SLC38A9: variants seen among roughly 807,000 people sequenced by gnomAD.
SLC38A9 encodes the protein solute carrier family 38 member 9.
In SLC38A9, 48 loss-of-function variants were observed where a neutral mutation model predicts 62.3. The ratio of observed to expected loss-of-function variants is 0.77; its 90% confidence interval spans 0.61 to 0.98. The LOEUF (loss-of-function observed/expected upper bound fraction) is 0.98. Ranked by LOEUF, SLC38A9 falls within the 50% of genes least tolerant of loss-of-function variation. The pLI is 0.00. For missense variants in SLC38A9, 541 were observed against 679.8 expected, an observed-to-expected ratio of 0.80 and a Z score of 2.27; for synonymous variants, 204 against 227.7, an observed-to-expected ratio of 0.90 and a Z score of 0.94.
In SLC38A9 at chr5:55,686,584, T is replaced by C. The variant is rs142736480; in HGVS notation, c.113+11262A>G. On this transcript the variant is annotated intron_variant, in intron 3 of 15. Coordinates refer to ENST00000396865, the MANE Select transcript of SLC38A9 (RefSeq NM_173514.4). ...CTCTGTAGGTTGTCTGTTTACTCCA[T>C]TGATAGTTTCTTTTGCCGTGCAGAA... Among the ~76,000 whole-genome samples the C allele has an allele frequency of 1.7e-3, 263 of 152,266 alleles. 1 individual carries two copies. The highest frequency in any genetic ancestry group is 6.0e-3 in the African/African-American group (251 of 41,542).
In SLC38A9 at chr5:55,667,232, T is replaced by TC. The variant is rs1194843992; in HGVS notation, c.526+1995_526+1996insG. Among the ~76,000 whole-genome samples, 4 of 140,472 alleles carry TC rather than the reference T, an allele frequency of 2.8e-5. No homozygotes were observed. The Admixed American group carries it at 2.9e-4, about 10-fold the overall frequency. 92.2% of individuals were successfully genotyped at this position (140,472 alleles called of 152,430 possible). ...CTAGTTTTTATATTATTTAGGGTTT[T>TC]TTTTGCTGCATTTGACAATATCTCC... On this transcript the variant is annotated intron_variant, in intron 7 of 15. Coordinates refer to ENST00000396865, the MANE Select transcript of SLC38A9 (RefSeq NM_173514.4).
At chr5:55,627,870 C>G in intron 15 of SLC38A9, 21 bp downstream of exon 15, 1 of 1,439,704 alleles carries the variant, frequency 6.9e-7, no homozygotes, top group South Asian at 1.2e-5. Flanking sequence ...GTAAGGGCAC[C>G]ATTCCCTTAC....
At chr5:55,694,733 A>AC (rs1372896759) in intron 3 of SLC38A9, among the ~76,000 whole-genome samples, 1 of 12,292 alleles carries the variant, frequency 8.1e-5, no homozygotes, top group African/African-American at 3.1e-4. Flanking sequence ...TCCGCTCCCC[A>AC]CCCTTCTCCT....
intron 2 of SLC38A9, among the ~76,000 whole-genome samples, chr5:55,705,665 T>G (rs1757198980): frequency 6.6e-6 from 1 of 151,962 alleles, no homozygotes; most frequent in Non-Finnish European, 1.5e-5. Context: ...TTGTTTAGTT[T>G]TGTAAATATA....
intron 13 of SLC38A9, 25 bp downstream of exon 13, chr5:55,635,519 A>C: frequency 6.8e-7 from 1 of 1,476,672 alleles, no homozygotes; most frequent in South Asian, 1.1e-5. Context: ...ACACAATCAC[A>C]CAGAGAGGGT....
intron 2 of SLC38A9, among the ~76,000 whole-genome samples, chr5:55,706,147 T>C (rs371550249): frequency 4.6e-5 from 7 of 152,190 alleles, no homozygotes; most frequent in African/African-American, 1.7e-4. Context: ...GTTGCAAAAT[T>C]TTTTGTCTCA....
chr5:55,632,395 G>A (rs542554028), intron 14 of SLC38A9, among the ~76,000 whole-genome samples: 2 of 152,216 alleles, frequency 1.3e-5, no homozygotes, highest in East Asian at 1.9e-4. Context: ...CCGAGATCGC[G>A]CCACTGCACT....
chr5:55,695,826 A>T (rs1428541363), intron 3 of SLC38A9, among the ~76,000 whole-genome samples: 2 of 73,270 alleles, frequency 2.7e-5, no homozygotes, highest in African/African-American at 4.1e-5. Flanking sequence ...GGGGCTCCTC[A>T]CTTCCCAGTA....
chr5:55,628,541 A>C (rs1460640941), intron 14 of SLC38A9, among the ~76,000 whole-genome samples: 1 of 152,214 alleles, frequency 6.6e-6, no homozygotes, highest in East Asian at 1.9e-4. Context: ...TGATTTTGTT[A>C]CAATTTGGGG....
chr5:55,645,819 G>A lies in SLC38A9; in HGVS notation c.1137C>T (p.Leu379=), dbSNP rs1216691278. 7.5e-6 allele frequency: 12 copies of A among 1,610,646 alleles called. No homozygotes were observed. Among genetic ancestry groups the A allele is most frequent in the Non-Finnish European group, 1.0e-5 (12 of 1,178,330 alleles). ...AFFIHNCIIT[L]LKNNKKQENN... ...TTTCTTGTTTCTTGTTGTTCTTCAA[G>A]AGTGTGATGATACAATTATGAATAA... Residue 379 remains leucine (L), a synonymous_variant, in exon 12 of 16, where the codon CTC becomes CTT. Transcript: ENST00000396865.
intron 13 of SLC38A9, 89 bp downstream of exon 13, chr5:55,635,455 G>A (rs1462729458): frequency 1.1e-6 from 1 of 921,470 alleles, no homozygotes; most frequent in Admixed American, 1.9e-5. Context: ...AGGCCTATCT[G>A]ATGTTATATC....
chr5:55,653,893 G>A (rs779768425), intron 9 of SLC38A9, among the ~76,000 whole-genome samples: 3 of 152,100 alleles, frequency 2.0e-5, no homozygotes, highest in African/African-American at 2.4e-5. Flanking sequence ...TCTTGACCTC[G>A]TGATCTGCCC....
chr5:55,629,118 T>G (rs1403738033), intron 14 of SLC38A9, among the ~76,000 whole-genome samples: 1 of 152,218 alleles, frequency 6.6e-6, no homozygotes, highest in East Asian at 1.9e-4. Flanking sequence ...TGGCTGGGCT[T>G]TTGTTATTTC....
chr5:55,632,490 A>G (rs28368180), intron 14 of SLC38A9, among the ~76,000 whole-genome samples: 4,359 of 152,252 alleles, frequency 0.029, 79 homozygotes, highest in African/African-American at 0.044. Flanking sequence ...ATGTTAATGA[A>G]TATAAAAGTA....
At chr5:55,704,710 C>T (rs1368059213) in intron 2 of SLC38A9, among the ~76,000 whole-genome samples, 1 of 152,182 alleles carries the variant, frequency 6.6e-6, no homozygotes, top group African/African-American at 2.4e-5. Flanking sequence ...AACTGCAAGG[C>T]ATTAATTTGT....
At chr5:55,693,186 C>G (rs1395146438) in intron 3 of SLC38A9, 1 of 169,220 alleles carries the variant, frequency 5.9e-6, no homozygotes, top group Non-Finnish European at 1.2e-5. Context: ...CACTCAGTTT[C>G]CCTCTGAGGG....
rs908147074 is a variant in SLC38A9 at position 55,691,604 on chromosome 5, C to T, written c.113+6242G>A. On this transcript the variant is annotated intron_variant, in intron 3 of 15. Coordinates refer to ENST00000396865, the MANE Select transcript of SLC38A9 (RefSeq NM_173514.4). ...AGCAGCAATCCTGAATATGCAGCAA[C>T]ATCAAGCAATACTGAAAATCAGGTT... Among the ~76,000 whole-genome samples, 3 of 152,216 alleles carry T rather than the reference C, an allele frequency of 2.0e-5. No individual in the cohort carries two copies. The South Asian group carries it at 6.2e-4, about 32-fold the overall frequency.
intron 8 of SLC38A9, among the ~76,000 whole-genome samples, chr5:55,660,676 T>C (rs1023667537): frequency 1.1e-4 from 16 of 152,264 alleles, no homozygotes; most frequent in African/African-American, 3.9e-4. Flanking sequence ...TAATGGATGT[T>C]ACTCTCAAGA....
intron 12 of SLC38A9, among the ~76,000 whole-genome samples, chr5:55,640,694 C>G (rs1008389053): frequency 1.3e-5 from 2 of 152,156 alleles, no homozygotes; most frequent in Non-Finnish European, 2.9e-5. Context: ...ATAAAAATTA[C>G]TATGCAACCT....
Sources: gnomAD v4.1 joint callset for allele counts (sites outside exome capture counted in the v4.1 genomes callset) on GRCh38, gnomAD v4.1.1 for gene constraint, MANE v1.5 for transcripts, NCBI Gene and HGNC (gene_info 2026-07-23, HGNC 2026-07-21) for gene names.